ACACA: variants seen among roughly 807,000 people sequenced by gnomAD.
ACACA encodes the protein acetyl-CoA carboxylase 1.
In ACACA, 103 loss-of-function variants were observed where a neutral mutation model predicts 296.1. That is an observed-to-expected ratio of 0.35 (90% CI 0.30 to 0.41). The LOEUF is 0.41. Among genes scored for constraint, ACACA ranks in the 10% least tolerant of loss-of-function variants. The pLI is 1.00. For missense variants in ACACA, 1,554 were observed against 2,989.7 expected, an observed-to-expected ratio of 0.52 and a Z score of 11.20; for synonymous variants, 953 against 1,038.6, an observed-to-expected ratio of 0.92 and a Z score of 1.58.
Position 37,251,990 on chromosome 17 carries a change from A to G in ACACA, c.2081+15T>C. ...CATTGATTAGTTTGTGTAGCCTACA[A>G]GAAACAAAGCCTACCTTTCTAAGGA... On this transcript the variant is annotated intron_variant, in intron 16 of 55. Transcript: ENST00000616317. 6.2e-7 allele frequency: 1 copy of G among 1,610,344 alleles called. No individual in the cohort carries two copies. The highest frequency in any genetic ancestry group is 8.5e-7 in the Non-Finnish European group (1 of 1,176,514).
rs187862900 is a variant in ACACA, at chr17:37,141,579, A to T, written c.5679+8285T>A. On this transcript the variant is annotated intron_variant, in intron 45 of 55. Transcript: ENST00000616317. ...CGCCAACCTGATTTTCTACTTTAAA[A>T]TGGGAAATGTATTATGCCTTCCATT... Among the ~76,000 whole-genome samples the T allele has an allele frequency of 4.8e-4, 73 of 152,322 alleles. No homozygotes were observed. In the East Asian group the frequency reaches 0.012, roughly 25 times the overall value.
At chr17:37,269,046 TAAA>T (rs35990848) in intron 10 of ACACA, among the ~76,000 whole-genome samples, 6 of 121,186 alleles carry the variant, frequency 5.0e-5, no homozygotes, top group African/African-American at 1.2e-4. Context: ...GAAAAAAATG[TAAA>T]AAAAAAAAAA....
At chr17:37,273,817 A>C (rs1199624661) in intron 9 of ACACA, among the ~76,000 whole-genome samples, 1 of 152,196 alleles carries the variant, frequency 6.6e-6, no homozygotes, top group Non-Finnish European at 1.5e-5. Flanking sequence ...TCTGAATTCA[A>C]CCAGTAGAAA....
chr17:37,128,320 G>A (rs2074924833), intron 47 of ACACA, among the ~76,000 whole-genome samples: 1 of 152,088 alleles, frequency 6.6e-6, no homozygotes, highest in Non-Finnish European at 1.5e-5. Flanking sequence ...CTTTATCTAA[G>A]AGAGGTCGTA....
intron 3 of ACACA, among the ~76,000 whole-genome samples, chr17:37,312,842 C>T (rs923509280): frequency 9.2e-5 from 14 of 151,546 alleles, no homozygotes; most frequent in Admixed American, 2.6e-4. Context: ...GCCTGGACAA[C>T]ATAGCAAGAC....
intron 41 of ACACA, among the ~76,000 whole-genome samples, chr17:37,174,016 A>T (rs1385234801): frequency 0.18 from 2,669 of 14,914 alleles, 398 homozygotes; most frequent in African/African-American, 0.46. Flanking sequence ...ATATATATAT[A>T]TATATTTTTT....
chr17:37,160,616 G>C (rs1022984638), intron 42 of ACACA, among the ~76,000 whole-genome samples: 4 of 152,164 alleles, frequency 2.6e-5, no homozygotes, highest in African/African-American at 9.7e-5. Flanking sequence ...GGCAGGTGCA[G>C]GCATGGGAGC....
chr17:37,192,682 G>A (rs990169564), intron 36 of ACACA, among the ~76,000 whole-genome samples: 2 of 151,828 alleles, frequency 1.3e-5, no homozygotes, highest in Non-Finnish European at 1.5e-5. Flanking sequence ...TACTTCACAT[G>A]CCAATGTTTT....
intron 3 of ACACA, among the ~76,000 whole-genome samples, chr17:37,292,119 T>C (rs988431856): frequency 3.9e-5 from 6 of 152,100 alleles, no homozygotes; most frequent in East Asian, 1.9e-4. Context: ...TAAGGGATAA[T>C]AGGTAATTTT....
At chr17:37,253,242 A>G (rs1270711261) in intron 14 of ACACA, among the ~76,000 whole-genome samples, 1 of 152,030 alleles carries the variant, frequency 6.6e-6, no homozygotes, top group Admixed American at 6.6e-5. Context: ...AATACAAAAA[A>G]TTAGCCAGGC....
chr17:37,307,176 G>A (rs998131830), intron 3 of ACACA, among the ~76,000 whole-genome samples: 1 of 152,122 alleles, frequency 6.6e-6, no homozygotes, highest in Non-Finnish European at 1.5e-5. Flanking sequence ...GGTTGTTTAT[G>A]AATTTTGACA....
intron 48 of ACACA, 72 bp downstream of exon 48, chr17:37,125,626 T>C (rs773351670): frequency 8.0e-7 from 1 of 1,256,524 alleles, no homozygotes; most frequent in Non-Finnish European, 1.2e-6. Flanking sequence ...TATATATCTA[T>C]AGAGCCATGG....
chr17:37,271,799 T>C (rs1296081968), intron 9 of ACACA, among the ~76,000 whole-genome samples: 1 of 150,850 alleles, frequency 6.6e-6, no homozygotes, highest in African/African-American at 2.4e-5. Context: ...GTGAAACCCC[T>C]GGCCCTATTA....
In ACACA at chr17:37,182,848, A is replaced by T. The variant is rs1224634164; in HGVS notation, c.4777-1492T>A. On this transcript the variant is annotated intron_variant, in intron 39 of 55. Coordinates refer to ENST00000616317, the MANE Select transcript of ACACA (RefSeq NM_198834.3). ...GTAAATCCTTAGCCCCTTAGCTCAG[A>T]GGAATGAATGTTCTGCTAATTTGTC... Among the ~76,000 whole-genome samples the T allele has an allele frequency of 8.9e-4, 136 of 152,198 alleles. 2 individuals are homozygous for T. The highest frequency in any genetic ancestry group is 8.8e-3 in the Admixed American group (135 of 15,278).
At chr17:37,235,659 C>A (rs1256807352) in intron 24 of ACACA, among the ~76,000 whole-genome samples, 1 of 152,144 alleles carries the variant, frequency 6.6e-6, no homozygotes, top group East Asian at 1.9e-4. Flanking sequence ...CCAAACTTAG[C>A]AATATCCATG....
chr17:37,108,669 T>C (rs2073825056), intron 52 of ACACA, among the ~76,000 whole-genome samples: 1 of 152,208 alleles, frequency 6.6e-6, no homozygotes, highest in Non-Finnish European at 1.5e-5. Flanking sequence ...ATTACAGGCG[T>C]GAGCCACCGT....
chr17:37,380,418 A>C (rs1217431161), intron 1 of ACACA, among the ~76,000 whole-genome samples: 1 of 151,918 alleles, frequency 6.6e-6, no homozygotes, highest in East Asian at 1.9e-4. Context: ...TAAAACTTAA[A>C]GTATAATAAT....
intron 38 of ACACA, among the ~76,000 whole-genome samples, chr17:37,190,359 G>A (rs992626236): frequency 1.3e-5 from 2 of 151,978 alleles, no homozygotes; most frequent in African/African-American, 2.4e-5. Flanking sequence ...GAACCTGGGA[G>A]GTGGAGGTTG....
chr17:37,216,208 G>GTATATATA (rs71159696), intron 29 of ACACA, among the ~76,000 whole-genome samples: 4 of 144,078 alleles, frequency 2.8e-5, no homozygotes, highest in African/African-American at 1.0e-4. Flanking sequence ...GTGTGTGTGT[G>GTATATATA]TATATATATA....
Sources: allele counts gnomAD v4.1 joint callset (sites outside exome capture counted in the v4.1 genomes callset), GRCh38; gene constraint gnomAD v4.1.1; transcripts MANE v1.5; gene names NCBI Gene and HGNC (gene_info 2026-07-23, HGNC 2026-07-21).